INSL6: variants seen among roughly 807,000 people sequenced by gnomAD.
INSL6 encodes insulin like 6.
INSL6 carries 16 observed loss-of-function variants against 9.4 expected under a neutral mutation model. That is an observed-to-expected ratio of 1.70 (90% confidence interval 1.15 to 2.59). The LOEUF is 2.59. INSL6 is among the 30% of genes most tolerant of loss of function. The probability of loss-of-function intolerance (pLI) is 0.00; values close to 1 mark genes in which losing one functional copy is unlikely to be tolerated. For missense variants in INSL6, 391 were observed against 257.3 expected, an observed-to-expected ratio of 1.52 and a Z score of -3.56; for synonymous variants, 154 against 96.9, an observed-to-expected ratio of 1.59 and a Z score of -3.46.
At chr9:5,043,119 C>G in the INSL6 span, among the ~76,000 whole-genome samples, 13 of 152,178 alleles carry the variant, frequency 8.5e-5, no homozygotes, top group Non-Finnish European at 1.5e-4. Flanking sequence ...TTAAAGCCCC[C>G]GACCCAGCCC....
the INSL6 span, among the ~76,000 whole-genome samples, chr9:5,086,443 C>T: frequency 2.6e-5 from 4 of 152,206 alleles, no homozygotes; most frequent in Admixed American, 1.3e-4. Flanking sequence ...TTATCAGCAT[C>T]ATTCTCAATC....
rs76717298 is a variant in INSL6, at chr9:5,182,029, A to G, written c.289+3285T>C. Among the ~76,000 whole-genome samples the G allele has an allele frequency of 6.5e-3, 985 of 152,318 alleles. 8 individuals are homozygous for G. The highest frequency in any genetic ancestry group is 0.022 in the African/African-American group (912 of 41,570). On this transcript the variant is annotated intron_variant, in intron 1 of 1. Transcript: ENST00000381641. ...CTGATACTCCTCAGGCAAATTAAAC[A>G]TACACATACTTCATGACACAGCAAT... is the stretch of plus-strand genomic sequence containing the variant.
At chr9:5,125,330 A>C (rs1044700644) in intron 3 of INSL6, among the ~76,000 whole-genome samples, 1 of 151,218 alleles carries the variant, frequency 6.6e-6, no homozygotes, top group Non-Finnish European at 1.5e-5. Context: ...GAAGTATTAC[A>C]GCATGGGTAA....
At chr9:4,994,514 A>G in the INSL6 span, among the ~76,000 whole-genome samples, 1 of 152,174 alleles carries the variant, frequency 6.6e-6, no homozygotes, top group Non-Finnish European at 1.5e-5. Flanking sequence ...ACTGATTTAA[A>G]CCAGGGATTG....
At chr9:5,109,929 G>C in the INSL6 span, 1 of 152,202 alleles carries the variant, frequency 6.6e-6, no homozygotes, top group South Asian at 2.1e-4. Context: ...CTTACTAACT[G>C]GCTGACAATA....
At chr9:5,008,019 G>A in the INSL6 span, among the ~76,000 whole-genome samples, 2 of 152,010 alleles carry the variant, frequency 1.3e-5, no homozygotes, top group African/African-American at 2.4e-5. Context: ...ATGAGCCACC[G>A]CGCCTGGCCC....
chr9:4,994,943 CGT>C, the INSL6 span, among the ~76,000 whole-genome samples: 6 of 151,014 alleles, frequency 4.0e-5, no homozygotes, highest in East Asian at 1.9e-4. Flanking sequence ...TTTGTCAGGG[CGT>C]GTGTGTGTGT....
intron 1 of INSL6, among the ~76,000 whole-genome samples, chr9:5,178,058 T>C (rs1016706237): frequency 6.6e-5 from 10 of 152,268 alleles, no homozygotes; most frequent in Middle Eastern, 3.4e-3. Flanking sequence ...GTATTTTTAG[T>C]AGAGACAGGG....
chr9:5,045,452 G>A, the INSL6 span, among the ~76,000 whole-genome samples: 1 of 152,126 alleles, frequency 6.6e-6, no homozygotes, highest in Non-Finnish European at 1.5e-5. Flanking sequence ...CATTTTAAGT[G>A]TACAGTTCAG....
chr9:5,030,827 G>T, the INSL6 span, among the ~76,000 whole-genome samples: 1 of 151,972 alleles, frequency 6.6e-6, no homozygotes, highest in East Asian at 1.9e-4. Context: ...GATGTCTAAT[G>T]TATAATTTGC....
the INSL6 span, chr9:5,085,380 T>TG: frequency 1.1e-6 from 1 of 900,610 alleles, no homozygotes; most frequent in Non-Finnish European, 1.9e-6. Flanking sequence ...CATGCACCAC[T>TG]GGGTCGGGGC....
the INSL6 span, among the ~76,000 whole-genome samples, chr9:5,038,963 A>T: frequency 1.3e-5 from 2 of 152,154 alleles, no homozygotes; most frequent in Non-Finnish European, 2.9e-5. Context: ...GCATCCCATC[A>T]TTATAAAAAA....
the INSL6 span, chr9:5,111,348 T>G: frequency 2.4e-6 from 1 of 413,808 alleles, no homozygotes; most frequent in South Asian, 2.0e-5. Flanking sequence ...GAAGGGGACC[T>G]CCCGGTACTA....
At chr9:5,162,693 C>T (rs1824952087), downstream of INSL6, among the ~76,000 whole-genome samples, 1 of 152,130 alleles carries the variant, frequency 6.6e-6, no homozygotes, top group African/African-American at 2.4e-5. Flanking sequence ...AGACTGTACC[C>T]TGAAACTGAT....
chr9:5,081,925 T>C, the INSL6 span: 117 of 1,330,754 alleles, frequency 8.8e-5, 2 homozygotes, highest in South Asian at 1.5e-3. Context: ...CTTAAGAGCG[T>C]TTCTAAAGTT....
At chr9:5,173,090 T>G (rs563653743) in intron 1 of INSL6, among the ~76,000 whole-genome samples, 3 of 152,254 alleles carry the variant, frequency 2.0e-5, no homozygotes, top group South Asian at 4.2e-4. Flanking sequence ...ACAGTCAGAA[T>G]AGCAATTATT....
the INSL6 span, among the ~76,000 whole-genome samples, chr9:5,060,109 G>A: frequency 1.3e-5 from 2 of 152,124 alleles, no homozygotes; most frequent in Admixed American, 1.3e-4. Context: ...TACTAAGTGT[G>A]CAACAGCATT....
At position 5,185,525 on chromosome 9, in the gene INSL6, G is replaced by T. The variant is rs776204889; in HGVS notation, c.78C>A (p.Ile26=). Residue 26 remains isoleucine (I), a synonymous_variant, in exon 1 of 2, where the codon ATC becomes ATA. Coordinates refer to ENST00000381641, the MANE Select transcript of INSL6 (RefSeq NM_007179.3). ...LVRFSRELSD[I]SSARKLCGRY... ...TGCCGCACAGCTTCCTGGCACTGCT[G>T]ATGTCGCTCAGTTCACGAGAAAACC... 2.2e-5 allele frequency: 36 copies of T among 1,614,062 alleles called. No homozygotes were observed. Among genetic ancestry groups the T allele is most frequent in the Non-Finnish European group, 3.0e-5 (35 of 1,180,042 alleles).
At chr9:5,133,048 G>C (rs912465163) in intron 3 of INSL6, among the ~76,000 whole-genome samples, 2 of 152,160 alleles carry the variant, frequency 1.3e-5, no homozygotes, top group African/African-American at 4.8e-5. Flanking sequence ...TCTAGGGCAT[G>C]ATTTTTTCAG....
Sources: gnomAD v4.1 joint callset for allele counts (sites outside exome capture counted in the v4.1 genomes callset) on GRCh38, gnomAD v4.1.1 for gene constraint, MANE v1.5 for transcripts, NCBI Gene and HGNC (gene_info 2026-07-23, HGNC 2026-07-21) for gene names.